The following ROPN1B variants were observed in gnomAD, a reference collection of about 807,000 sequenced individuals.
ROPN1B encodes ropporin-1B.
Under a neutral mutation model 23.7 loss-of-function variants are expected in ROPN1B, and 13 were observed. The observed-to-expected ratio is 0.55, with a 90% confidence interval of 0.36 to 0.87. ROPN1B has a LOEUF of 0.87. Ranked by LOEUF, ROPN1B falls within the 40% of genes least tolerant of loss-of-function variation. The pLI is 0.01. For synonymous variants in ROPN1B, 67 were observed against 100.4 expected (o/e 0.67, Z 1.99); for missense variants, 183 against 249.2 (o/e 0.73, Z 1.79).
At chr3:125,978,295 G>C (rs921028543) in intron 5 of ROPN1B, among the ~76,000 whole-genome samples, 1 of 152,156 alleles carries the variant, frequency 6.6e-6, no homozygotes, top group African/African-American at 2.4e-5. Context: ...AATTTTCATA[G>C]GTTTACAGAT....
At position 125,975,475 on chromosome 3, in the gene ROPN1B, C is replaced by T. The variant is rs577746590; in HGVS notation, c.117-88C>T. ...CAAAGGTTCCTTTCTCTACCTCCTT[C>T]CCTCAGAAGAAGGGGGAAGGATTGC... On this transcript the variant is annotated intron_variant, in intron 3 of 6. Transcript: ENST00000514116. 1.8e-3 allele frequency: 2,368 copies of T among 1,352,458 alleles called. 2 individuals carry two copies. Among genetic ancestry groups the T allele is most frequent in the Non-Finnish European group, 2.2e-3 (2,216 of 988,368 alleles). 83.8% of individuals were successfully genotyped at this position (1,352,458 alleles called of 1,614,324 possible). A position where few individuals can be genotyped will look rare whatever the true frequency, so the allele number is the denominator to read the frequency against.
intron 3 of ROPN1B, chr3:125,972,715 A>G (rs1446775093): frequency 1.1e-5 from 4 of 356,882 alleles, no homozygotes; most frequent in Non-Finnish European, 2.2e-5. Context: ...GAGGCTTTGT[A>G]TCTTTGAGGA....
At chr3:125,970,549 T>C (rs1938159603) in intron 1 of ROPN1B, among the ~76,000 whole-genome samples, 1 of 152,222 alleles carries the variant, frequency 6.6e-6, no homozygotes, top group Non-Finnish European at 1.5e-5. Context: ...CATTTCACAT[T>C]GGGAGGCATG....
At chr3:125,977,325 C>T (rs1437146960) in intron 5 of ROPN1B, 160 bp downstream of exon 5, 11 of 869,092 alleles carry the variant, frequency 1.3e-5, no homozygotes, top group Admixed American at 8.2e-5. Flanking sequence ...CATTTCTGTG[C>T]TCGTCAGGCA....
chr3:125,975,923 G>C (rs187795837), intron 4 of ROPN1B, among the ~76,000 whole-genome samples: 2 of 152,228 alleles, frequency 1.3e-5, no homozygotes, highest in African/African-American at 4.8e-5. Flanking sequence ...AGAATGTACA[G>C]GGGCTCAATG....
In ROPN1B at chr3:125,972,230, A is replaced by G. The variant is rs574524081; in HGVS notation, c.116+60A>G. The G allele has an allele frequency of 1.5e-5, 24 of 1,558,808 alleles. No individual in the cohort carries two copies. The South Asian group carries it at 2.6e-4, about 17-fold the overall frequency. On this transcript the variant is annotated intron_variant, in intron 3 of 6. Transcript: ENST00000514116. Reference sequence around the variant, plus strand: ...GACGGGCGGGGAGAGAGGGTCCTGTAAAACCGCGGAGGTTGTCATGGCTGC... The same window carrying G: ...GACGGGCGGGGAGAGAGGGTCCTGTGAAACCGCGGAGGTTGTCATGGCTGC...
chr3:125,971,029 T>C (rs886403577), intron 1 of ROPN1B, 88 bp from the exon 2 acceptor site: 26 of 153,584 alleles, frequency 1.7e-4, no homozygotes, highest in African/African-American at 6.3e-4. Context: ...CCTGGGCGGG[T>C]CTCAAGTTTA....
At chr3:125,974,142 C>T (rs1350585233) in intron 3 of ROPN1B, among the ~76,000 whole-genome samples, 2 of 152,194 alleles carry the variant, frequency 1.3e-5, no homozygotes, top group African/African-American at 2.4e-5. Context: ...ACCCGGGCAG[C>T]ACTTCTGTGG....
chr3:125,975,522 G>A (rs1559784029), intron 3 of ROPN1B, 41 bp from the exon 4 acceptor site: 6 of 1,557,650 alleles, frequency 3.9e-6, no homozygotes, highest in Non-Finnish European at 4.4e-6. Context: ...GAGGCCACTG[G>A]TGTATAGGAT....
intron 5 of ROPN1B, among the ~76,000 whole-genome samples, chr3:125,980,206 T>G (rs1938564857): frequency 6.6e-6 from 1 of 152,238 alleles, no homozygotes; most frequent in Non-Finnish European, 1.5e-5. Flanking sequence ...ACCAAATAGC[T>G]CTAGTACAGT....
rs764610573 is a variant in ROPN1B, at chr3:125,975,640, C to T, written c.194C>T (p.Ala65Val). 3.7e-6 allele frequency: 6 copies of T among 1,613,592 alleles called. No homozygotes were observed. The Admixed American group carries it at 8.3e-5, about 22-fold the overall frequency. ...GAGCGAGTCGCTTTGTGTAACTGGG[C>T]AGAGCTAACACCTGAGCTGTTAAAG... ...RSERVALCNWAELTPELLKIL... is the reference protein window; with the variant it reads ...RSERVALCNWVELTPELLKIL... Residue 65 changes from alanine (A) to valine (V), a missense_variant, in exon 4 of 7, where the codon GCA becomes GTA. Around this residue, in one of 3 missense-constraint regions of ROPN1B, gnomAD observed 97 missense variants for 99.6 expected, o/e 0.97. Coordinates refer to ENST00000514116, the MANE Select transcript of ROPN1B (RefSeq NM_001308313.2).
intron 5 of ROPN1B, chr3:125,977,630 G>A (rs1283870127): frequency 3.7e-5 from 7 of 191,620 alleles, no homozygotes; most frequent in Admixed American, 3.2e-4. Context: ...AACAAAGAGA[G>A]ATGAGGCTAT....
intron 3 of ROPN1B, 111 bp downstream of exon 3, chr3:125,972,281 A>G (rs1227836243): frequency 1.1e-6 from 1 of 936,430 alleles, no homozygotes; most frequent in Non-Finnish European, 1.7e-6. Context: ...ACTAACTGGC[A>G]TCGTCTTTGT....
At chr3:125,982,777 C>G (rs1165100278) in intron 6 of ROPN1B, among the ~76,000 whole-genome samples, 6 of 152,162 alleles carry the variant, frequency 3.9e-5, no homozygotes, top group African/African-American at 1.4e-4. Context: ...TTATAAGCCC[C>G]TCCAGTAACT....
intron 5 of ROPN1B, among the ~76,000 whole-genome samples, chr3:125,979,228 A>G (rs1938525847): frequency 1.3e-5 from 2 of 152,104 alleles, no homozygotes; most frequent in East Asian, 3.8e-4. Context: ...TTAAGTCTGT[A>G]AATAAGGGGT....
Position 125,971,318 on chromosome 3 carries a change from G to C in ROPN1B, c.-13+156G>C, listed in dbSNP as rs559991455. 2.6e-5 allele frequency among the ~76,000 whole-genome samples: 4 copies of C among 152,198 alleles called. No homozygotes were observed. The East Asian group carries it at 7.7e-4, about 29-fold the overall frequency. Reference sequence around the variant, plus strand: ...TCTGGCCTCTAGGTGTTTTGAAGAGGGACAGCTTTTTAGCATATCTAGTCT... The same window carrying C: ...TCTGGCCTCTAGGTGTTTTGAAGAGCGACAGCTTTTTAGCATATCTAGTCT... On this transcript the variant is annotated intron_variant, in intron 2 of 6. Coordinates refer to ENST00000514116, the MANE Select transcript of ROPN1B (RefSeq NM_001308313.2).
rs1352103595 is a variant in ROPN1B at position 125,975,577 on chromosome 3, T to C, written c.131T>C (p.Leu44Pro). 3 of 1,613,384 alleles carry C rather than the reference T, an allele frequency of 1.9e-6. No individual in the cohort carries two copies. The highest frequency in any genetic ancestry group is 2.5e-6 in the Non-Finnish European group (3 of 1,179,800). The change falls in exon 4 of 7, where the codon CTG (leucine) becomes CCG (proline). Residue 44 changes from leucine to proline, a missense_variant. Transcript: ENST00000514116. ...IQWGADYFEALSRGETPPVRE... is the reference protein window; with the variant it reads ...IQWGADYFEAPSRGETPPVRE... Reference sequence around the variant, plus strand: ...TTTTCTTGTAGTTATTTTGAGGCCCTGTCCCGTGGAGAGACGCCTCCGGTG... The same window carrying C: ...TTTTCTTGTAGTTATTTTGAGGCCCCGTCCCGTGGAGAGACGCCTCCGGTG...
In ROPN1B at chr3:125,982,365, C is replaced by T. The variant is rs373763214; in HGVS notation, c.492C>T (p.Leu164=). The change falls in exon 6 of 7, where the codon CTC becomes CTT. Residue 164 remains leucine, a synonymous_variant. Coordinates refer to ENST00000514116, the MANE Select transcript of ROPN1B (RefSeq NM_001308313.2). ...TCCCATTCAGCACCTTCCAGTTTCT[C>T]TACACGTATATTGCCGAAGTGGATG... The part of the protein sequence containing the change: ...PRIPFSTFQF[L]YTYIAEVDGE... 14 of 1,613,426 alleles carry T rather than the reference C, an allele frequency of 8.7e-6. No homozygotes were observed. Among genetic ancestry groups the T allele is most frequent in the Non-Finnish European group, 1.2e-5 (14 of 1,179,786 alleles).
chr3:125,977,671 T>C (rs542961411), intron 5 of ROPN1B: 1 of 182,150 alleles, frequency 5.5e-6, no homozygotes, highest in African/African-American at 2.4e-5. Context: ...TCTCCATGGA[T>C]ACAGGATGTT....
Sources: allele counts gnomAD v4.1 joint callset (sites outside exome capture counted in the v4.1 genomes callset), GRCh38; gene constraint gnomAD v4.1.1; regional missense constraint gnomAD v4.1.1; transcripts MANE v1.5; gene names NCBI Gene and HGNC (gene_info 2026-07-23, HGNC 2026-07-21).